The following RGPD6 variants were observed in gnomAD, a reference collection of about 807,000 sequenced individuals.
The protein encoded by RGPD6 is RANBP2 like and GRIP domain containing 6, also known as RANBP2-like and GRIP domain-containing protein 5/6.
the RGPD6 span, among the ~76,000 whole-genome samples, chr2:110,603,882 T>C: frequency 5.8e-4 from 88 of 150,556 alleles, no homozygotes; most frequent in East Asian, 1.2e-3. Context: ...GGGTGGTAGT[T>C]TCCTTAGATT....
the RGPD6 span, among the ~76,000 whole-genome samples, chr2:110,600,918 C>T: frequency 2.7e-5 from 4 of 147,148 alleles, no homozygotes; most frequent in African/African-American, 9.9e-5. Context: ...ATCCACAGCC[C>T]GGGGGCTGGG....
the RGPD6 span, among the ~76,000 whole-genome samples, chr2:110,600,159 A>G: frequency 7.5e-6 from 1 of 134,136 alleles, no homozygotes; most frequent in African/African-American, 2.7e-5. Context: ...CTGAGTCCAG[A>G]CTTCATCCTA....
At chr2:110,599,998 C>T in the RGPD6 span, among the ~76,000 whole-genome samples, 5 of 151,778 alleles carry the variant, frequency 3.3e-5, no homozygotes, top group South Asian at 4.2e-4. Flanking sequence ...TGGTGTTACC[C>T]GCTGAGCTGT....
chr2:110,606,572 T>C, the RGPD6 span, among the ~76,000 whole-genome samples: 1 of 118,604 alleles, frequency 8.4e-6, no homozygotes, highest in African/African-American at 3.4e-5. Flanking sequence ...CAAGTTCATT[T>C]TGGAAAACTT....
chr2:110,601,137 C>T, the RGPD6 span, among the ~76,000 whole-genome samples: 3 of 147,978 alleles, frequency 2.0e-5, no homozygotes, highest in South Asian at 2.2e-4. Context: ...ATAAAGTCCT[C>T]GGCCTCCAAC....
chr2:110,593,246 C>G, the RGPD6 span, among the ~76,000 whole-genome samples: 1 of 148,200 alleles, frequency 6.7e-6, no homozygotes, highest in Non-Finnish European at 1.5e-5. Flanking sequence ...CACAGTGGAG[C>G]TGAAGCTCAA....
At chr2:110,591,446 T>C in the RGPD6 span, among the ~76,000 whole-genome samples, 21 of 142,554 alleles carry the variant, frequency 1.5e-4, 1 homozygote, top group African/African-American at 5.5e-4. Context: ...TTCTTAAAAC[T>C]AAAAAAAAAA....
the RGPD6 span, among the ~76,000 whole-genome samples, chr2:110,605,558 G>A: frequency 2.6e-5 from 4 of 151,474 alleles, no homozygotes; most frequent in South Asian, 6.3e-4. Context: ...GGAAAGGGTA[G>A]AGGCACCTGA....
chr2:110,606,966 C>T, the RGPD6 span, among the ~76,000 whole-genome samples: 44 of 151,732 alleles, frequency 2.9e-4, 1 homozygote, highest in African/African-American at 1.0e-3. Context: ...ACAACCTACA[C>T]CTTACTCATC....
the RGPD6 span, among the ~76,000 whole-genome samples, chr2:110,606,310 T>C: frequency 4.6e-5 from 6 of 131,450 alleles, no homozygotes; most frequent in Non-Finnish European, 6.3e-5. Context: ...TAATATTCTG[T>C]GAATGCTTAT....
the RGPD6 span, among the ~76,000 whole-genome samples, chr2:110,605,675 T>A: frequency 3.3e-5 from 5 of 151,526 alleles, no homozygotes; most frequent in Admixed American, 6.6e-5. Flanking sequence ...GGCAGTTGAT[T>A]TGAAGACAAG....
the RGPD6 span, among the ~76,000 whole-genome samples, chr2:110,596,941 T>TATATATATA: frequency 8.8e-6 from 1 of 113,654 alleles, no homozygotes; most frequent in African/African-American, 4.1e-5. Context: ...TTATATATAT[T>TATATATATA]TTATATATAT....
chr2:110,589,529 T>A, the RGPD6 span, among the ~76,000 whole-genome samples: 2 of 152,048 alleles, frequency 1.3e-5, no homozygotes, highest in Non-Finnish European at 2.9e-5. Flanking sequence ...TCAGCCGGTT[T>A]GCAGTTCAGG....
At chr2:110,605,654 G>A in the RGPD6 span, among the ~76,000 whole-genome samples, 3 of 151,594 alleles carry the variant, frequency 2.0e-5, no homozygotes, top group East Asian at 1.9e-4. Context: ...ACTGGCCTGC[G>A]CATGTCCCCT....
At chr2:110,605,292 C>T in the RGPD6 span, among the ~76,000 whole-genome samples, 23 of 151,730 alleles carry the variant, frequency 1.5e-4, no homozygotes, top group African/African-American at 5.6e-4. Context: ...GGCTTTGCCT[C>T]CTCGTACCTG....
chr2:110,598,287 G>A, the RGPD6 span, among the ~76,000 whole-genome samples: 1 of 21,042 alleles, frequency 4.8e-5, no homozygotes, highest in African/African-American at 5.5e-5. Flanking sequence ...CGTGGTGCCC[G>A]CAGCCTACTT....
chr2:110,608,518 C>A, the RGPD6 span, among the ~76,000 whole-genome samples: 1 of 133,536 alleles, frequency 7.5e-6, no homozygotes, highest in Non-Finnish European at 1.6e-5. Flanking sequence ...AACCATAAAA[C>A]TGAGAACATA....
chr2:110,610,820 G>C, the RGPD6 span: 1 of 1,076,014 alleles, frequency 9.3e-7, no homozygotes, highest in East Asian at 8.6e-5. Flanking sequence ...CGCCGCCGCC[G>C]CCGAAGCTCG....
chr2:110,600,755 A>G, the RGPD6 span, among the ~76,000 whole-genome samples: 1 of 77,524 alleles, frequency 1.3e-5, no homozygotes, highest in East Asian at 4.0e-4. Context: ...CTGTGAGAAT[A>G]TAATGCCGGT....
Sources: allele counts gnomAD v4.1 joint callset (sites outside exome capture counted in the v4.1 genomes callset), GRCh38; gene constraint gnomAD v4.1.1; transcripts MANE v1.5; gene names NCBI Gene and HGNC (gene_info 2026-07-23, HGNC 2026-07-21).